The following UPF2 variants were observed in gnomAD, a reference collection of about 807,000 sequenced individuals.
UPF2 encodes the protein regulator of nonsense transcripts 2.
Under a neutral mutation model 141.4 loss-of-function variants are expected in UPF2, and 17 were observed. That is an observed-to-expected ratio of 0.12 (90% CI 0.08 to 0.18). The LOEUF (loss-of-function observed/expected upper bound fraction) is 0.18. Ranked by LOEUF, UPF2 falls within the 10% of genes least tolerant of loss-of-function variation. UPF2 has a pLI of 1.00. For missense variants in UPF2, 1,152 were observed against 1,515.9 expected, an observed-to-expected ratio of 0.76 and a Z score of 3.99; for synonymous variants, 540 against 498.0, an observed-to-expected ratio of 1.08 and a Z score of -1.12.
chr10:12,028,289 C>G (rs1444638217), intron 3 of UPF2, among the ~76,000 whole-genome samples: 1 of 152,144 alleles, frequency 6.6e-6, no homozygotes, highest in Non-Finnish European at 1.5e-5. Context: ...AAACTCTAAT[C>G]TGAAATACCA....
chr10:11,985,292 T>C (rs1833668656), intron 8 of UPF2, among the ~76,000 whole-genome samples: 1 of 152,204 alleles, frequency 6.6e-6, no homozygotes, highest in Non-Finnish European at 1.5e-5. Flanking sequence ...TAAAATCCTT[T>C]ATGTTGTAAA....
At chr10:11,947,595 A>T (rs1359328782) in intron 16 of UPF2, among the ~76,000 whole-genome samples, 1 of 151,876 alleles carries the variant, frequency 6.6e-6, no homozygotes, top group Admixed American at 6.6e-5. Context: ...CAGCCTGGGC[A>T]ATATAGCAAG....
Position 11,920,830 on chromosome 10 carries a change from G to A in UPF2, c.*468C>T, listed in dbSNP as rs950515765. ...CCTGCTTGCTCTATACTTTTCTACTGTAGTCCTGGAGCCCCCAAATGTATC... is the reference window on the plus strand; with the variant it reads ...CCTGCTTGCTCTATACTTTTCTACTATAGTCCTGGAGCCCCCAAATGTATC... On this transcript the variant is annotated 3_prime_UTR_variant, in exon 22 of 22. Coordinates refer to ENST00000357604, the MANE Select transcript of UPF2 (RefSeq NM_015542.4). 58 of 347,818 alleles carry A rather than the reference G, an allele frequency of 1.7e-4. No individual in the cohort carries two copies. The highest frequency in any genetic ancestry group is 3.1e-4 in the Non-Finnish European group (54 of 174,470). The allele number at this position is 347,818 out of a possible 1,614,324, so 21.5% of individuals were successfully genotyped here.
At chr10:11,958,581 T>G (rs1244876207) in intron 12 of UPF2, among the ~76,000 whole-genome samples, 2 of 152,370 alleles carry the variant, frequency 1.3e-5, no homozygotes, top group Admixed American at 6.5e-5. Flanking sequence ...AATTCTACCC[T>G]GTATTATATG....
chr10:11,952,540 T>C (rs1348074575), intron 14 of UPF2, among the ~76,000 whole-genome samples: 1 of 139,882 alleles, frequency 7.1e-6, no homozygotes, highest in Non-Finnish European at 1.5e-5. Flanking sequence ...AGTGGCGCCA[T>C]CTCAGCTCAC....
intron 9 of UPF2, among the ~76,000 whole-genome samples, chr10:11,973,862 A>G (rs527418505): frequency 5.9e-5 from 9 of 152,324 alleles, no homozygotes; most frequent in Non-Finnish European, 1.3e-4. Flanking sequence ...TGTCTTGGCA[A>G]TGCGGGCTCT....
rs1832842624 is a variant in UPF2, at chr10:11,935,846, G to A, written c.3546+699C>T. On this transcript the variant is annotated intron_variant, in intron 19 of 21. Coordinates refer to ENST00000357604, the MANE Select transcript of UPF2 (RefSeq NM_015542.4). This position sits in a 1 kb window ranked among gnomAD's most constrained non-coding sequence, Gnocchi z 4.9. ...ATCGCTAGAGTAACAGCTTGGTAGA[G>A]GGGGAAACGGTTTTGAGGGACCATC... 6.6e-6 allele frequency among the ~76,000 whole-genome samples: 1 copy of A among 152,120 alleles called. No individual in the cohort carries two copies.
At chr10:11,978,827 A>G (rs1476561756) in intron 9 of UPF2, among the ~76,000 whole-genome samples, 2 of 152,188 alleles carry the variant, frequency 1.3e-5, no homozygotes, top group African/African-American at 2.4e-5. Context: ...TGTTCCCGCA[A>G]TGGGGGAACA....
intron 18 of UPF2, among the ~76,000 whole-genome samples, chr10:11,942,150 G>A (rs1832943684): frequency 6.6e-6 from 1 of 152,166 alleles, no homozygotes; most frequent in African/African-American, 2.4e-5. Flanking sequence ...GTAGCAGGAG[G>A]ATCACCTGAG....
At chr10:11,981,075 G>A (rs1833583912) in intron 8 of UPF2, among the ~76,000 whole-genome samples, 1 of 151,976 alleles carries the variant, frequency 6.6e-6, no homozygotes, top group South Asian at 2.1e-4. Flanking sequence ...TGTAATCCCA[G>A]CTACTCGGGC....
chr10:11,920,818 T>C lies in UPF2; in HGVS notation c.*480A>G. The C allele has an allele frequency of 3.0e-6, 1 of 333,986 alleles. No individual in the cohort carries two copies. Among genetic ancestry groups the C allele is most frequent in the Non-Finnish European group, 6.0e-6 (1 of 167,508 alleles). 20.7% of individuals were successfully genotyped at this position (333,986 alleles called of 1,614,324 possible). On this transcript the variant is annotated 3_prime_UTR_variant, in exon 22 of 22. Transcript: ENST00000357604. ...CTAGAAGATTTTCCTGCTTGCTCTA[T>C]ACTTTTCTACTGTAGTCCTGGAGCC...
Position 11,948,478 on chromosome 10 carries a change from G to T in UPF2, c.3065C>A (p.Ser1022Tyr), listed in dbSNP as rs1245736893. The change falls in exon 16 of 22, where the codon TCT becomes TAT. Residue 1022 changes from serine (S) to tyrosine (Y), a missense_variant. Ser to Tyr is a moderately radical substitution (Grantham distance 144). Transcript: ENST00000357604. The stretch of plus-strand genomic sequence containing the variant: ...TTCAAGATTTTCTCCTTCTGTCATA[G>T]AATCTTTTGAGTCTTTGTCATTTAC... Reference protein sequence around the residue: ...GLVNDKDSKDSMTEGENLEED... With the variant: ...GLVNDKDSKDYMTEGENLEED... The T allele has an allele frequency of 6.2e-7, 1 of 1,612,654 alleles. No homozygotes were observed. Among genetic ancestry groups the T allele is most frequent in the Non-Finnish European group, 8.5e-7 (1 of 1,179,850 alleles).
At chr10:12,021,564 AT>A (rs1219065481) in intron 3 of UPF2, among the ~76,000 whole-genome samples, 9 of 152,132 alleles carry the variant, frequency 5.9e-5, no homozygotes, top group Admixed American at 1.3e-4. Flanking sequence ...TTAATGTAAA[AT>A]GATATTTTCA....
intron 8 of UPF2, among the ~76,000 whole-genome samples, chr10:11,991,698 C>T (rs1031421510): frequency 4.6e-5 from 7 of 152,108 alleles, no homozygotes; most frequent in African/African-American, 1.7e-4. Flanking sequence ...TATTGAGTGA[C>T]ACCTACATGA....
intron 21 of UPF2, among the ~76,000 whole-genome samples, chr10:11,922,255 G>A (rs148681557): frequency 1.3e-4 from 20 of 152,288 alleles, no homozygotes; most frequent in African/African-American, 4.6e-4. Context: ...GACATCTGTC[G>A]TTTAAGCTAC....
intron 1 of UPF2, among the ~76,000 whole-genome samples, chr10:12,039,185 T>A (rs891224621): frequency 6.6e-6 from 1 of 152,176 alleles, no homozygotes; most frequent in Admixed American, 6.5e-5. Context: ...CCCTATTTTA[T>A]AAATGAGTAA....
chr10:11,977,416 T>C (rs1833523227), intron 9 of UPF2, among the ~76,000 whole-genome samples: 2 of 152,190 alleles, frequency 1.3e-5, no homozygotes, highest in African/African-American at 2.4e-5. Flanking sequence ...AGTTCTGATA[T>C]TCTTCCCTTG....
intron 2 of UPF2, among the ~76,000 whole-genome samples, chr10:12,032,642 G>T (rs758394569): frequency 1.3e-5 from 2 of 151,868 alleles, no homozygotes; most frequent in African/African-American, 4.8e-5. Flanking sequence ...AGAGGCAGAG[G>T]CGGGAGGATC....
intron 19 of UPF2, among the ~76,000 whole-genome samples, chr10:11,932,760 A>T (rs892249122): frequency 5.9e-5 from 9 of 152,212 alleles, no homozygotes; most frequent in African/African-American, 2.2e-4. Flanking sequence ...AATGAAGGTG[A>T]TTTAGCTGAT....
Sources: gnomAD v4.1 joint callset for allele counts (sites outside exome capture counted in the v4.1 genomes callset) on GRCh38, gnomAD v4.1.1 for gene constraint, Gnocchi (gnomAD v3.1) non-coding constraint, MANE v1.5 for transcripts, NCBI Gene and HGNC (gene_info 2026-07-23, HGNC 2026-07-21) for gene names.